Variants in MAPK10 observed in about 807,000 individuals in gnomAD.
MAPK10 encodes JNK3 alpha protein kinase.
Under a neutral mutation model 59.3 loss-of-function variants are expected in MAPK10, and 25 were observed. The ratio of observed to expected loss-of-function variants is 0.42; its 90% CI spans 0.31 to 0.59. The LOEUF is 0.59. Ranked by LOEUF, MAPK10 falls within the 20% of genes least tolerant of loss-of-function variation. The pLI is 0.15. For synonymous variants in MAPK10, 190 were observed against 200.5 expected, an observed-to-expected ratio of 0.95 and a Z score of 0.44; for missense variants, 351 against 568.9, an observed-to-expected ratio of 0.62 and a Z score of 3.90.
At chr4:86,160,643 C>A (rs908300378) in intron 3 of MAPK10, 4 of 151,910 alleles carry the variant, frequency 2.6e-5, no homozygotes, top group African/African-American at 7.2e-5. Context: ...GACATTCCCA[C>A]GCAATGAATA....
At chr4:86,044,002 T>A (rs1032060701) in intron 11 of MAPK10, among the ~76,000 whole-genome samples, 1 of 152,158 alleles carries the variant, frequency 6.6e-6, no homozygotes, top group African/African-American at 2.4e-5. Flanking sequence ...TTATAGTTCC[T>A]ACTAATTCAA....
At chr4:86,403,843 C>G (rs905979967) in intron 1 of MAPK10, among the ~76,000 whole-genome samples, 2 of 152,120 alleles carry the variant, frequency 1.3e-5, no homozygotes, top group Non-Finnish European at 2.9e-5. Flanking sequence ...TCCCTTGACA[C>G]GTAGGCATTA....
At position 86,055,019 on chromosome 4, in the gene MAPK10, G is replaced by A. The variant is rs140887850; in HGVS notation, c.1110+9247C>T. 1.3e-3 allele frequency among the ~76,000 whole-genome samples: 197 copies of A among 152,206 alleles called. 1 individual carries two copies. The highest frequency in any genetic ancestry group is 4.6e-3 in the African/African-American group (192 of 41,544). ...TTTAAATGATGGCAGTTTTAGAATG[G>A]AGAAAAGAGAATCATGATGTCTCAC... On this transcript the variant is annotated intron_variant, in intron 11 of 13. Coordinates refer to ENST00000641462, the MANE Select transcript of MAPK10 (RefSeq NM_138982.4).
At chr4:86,218,868 G>A (rs2088646234) in intron 2 of MAPK10, among the ~76,000 whole-genome samples, 1 of 152,114 alleles carries the variant, frequency 6.6e-6, no homozygotes, top group African/African-American at 2.4e-5. Flanking sequence ...AGGGCAAGAG[G>A]GAAATGATTT....
intron 4 of MAPK10, among the ~76,000 whole-genome samples, chr4:86,131,226 T>G (rs1310889439): frequency 2.0e-5 from 3 of 152,196 alleles, no homozygotes; most frequent in African/African-American, 4.8e-5. Flanking sequence ...ACTTTCATTT[T>G]GATAGATGAA....
At chr4:86,279,230 A>G (rs2094702382) in intron 2 of MAPK10, among the ~76,000 whole-genome samples, 1 of 152,174 alleles carries the variant, frequency 6.6e-6, no homozygotes, top group Non-Finnish European at 1.5e-5. Flanking sequence ...TTATCATTAT[A>G]CAAAACACAC....
At chr4:86,216,043 C>T (rs2087461166) in intron 2 of MAPK10, among the ~76,000 whole-genome samples, 1 of 151,928 alleles carries the variant, frequency 6.6e-6, no homozygotes, top group African/African-American at 2.4e-5. Flanking sequence ...TACAGCCACC[C>T]TGGAAAACAG....
At chr4:86,278,538 G>A (rs186831999) in intron 2 of MAPK10, among the ~76,000 whole-genome samples, 298 of 152,100 alleles carry the variant, frequency 2.0e-3, no homozygotes, top group African/African-American at 6.3e-3. Context: ...AGCAAAACCC[G>A]CTAGTAAAAA....
chr4:86,412,659 A>G (rs1384350421), intron 1 of MAPK10, among the ~76,000 whole-genome samples: 2 of 152,102 alleles, frequency 1.3e-5, no homozygotes, highest in Non-Finnish European at 2.9e-5. Flanking sequence ...TTGATCTTAA[A>G]TCACTGATAT....
intron 1 of MAPK10, among the ~76,000 whole-genome samples, chr4:86,516,034 G>T (rs1037127763): frequency 6.6e-6 from 1 of 151,872 alleles, no homozygotes. Flanking sequence ...TTAAGTTTTT[G>T]ATCCATCTTA....
intron 1 of MAPK10, among the ~76,000 whole-genome samples, chr4:86,502,828 A>G (rs916820677): frequency 6.6e-6 from 1 of 152,110 alleles, no homozygotes; most frequent in African/African-American, 2.4e-5. Context: ...TCATTCTAAA[A>G]GACATTTTTG....
At chr4:86,552,886 C>G (rs979668096) in intron 1 of MAPK10, among the ~76,000 whole-genome samples, 1 of 152,124 alleles carries the variant, frequency 6.6e-6, no homozygotes, top group Non-Finnish European at 1.5e-5. Context: ...ACCCACTGCA[C>G]GTGCAGCTTT....
intron 2 of MAPK10, among the ~76,000 whole-genome samples, chr4:86,221,290 G>GA (rs1156744653): frequency 1.3e-5 from 2 of 152,168 alleles, no homozygotes; most frequent in Non-Finnish European, 2.9e-5. Context: ...TCACTGGCTT[G>GA]ACAGGAGTAA....
In MAPK10 at chr4:86,259,617, C is replaced by A. The variant is rs983057759; in HGVS notation, c.-6-65210G>T. On this transcript the variant is annotated intron_variant, in intron 2 of 13. Coordinates refer to ENST00000641462, the MANE Select transcript of MAPK10 (RefSeq NM_138982.4). ...GGAAACTGAGGTATTTATGATAGATCAAAGAAAGCCTTGCTTTCATATCTT... is the reference window on the plus strand; with the variant it reads ...GGAAACTGAGGTATTTATGATAGATAAAAGAAAGCCTTGCTTTCATATCTT... 3.9e-5 allele frequency among the ~76,000 whole-genome samples: 6 copies of A among 152,138 alleles called. No individual in the cohort carries two copies. In the Middle Eastern group the frequency reaches 0.017, roughly 431 times the overall value.
chr4:86,088,862 CTTTA>C (rs990527772), intron 9 of MAPK10, among the ~76,000 whole-genome samples: 14 of 152,066 alleles, frequency 9.2e-5, no homozygotes, highest in Middle Eastern at 3.2e-3. Flanking sequence ...AACTGAAAGA[CTTTA>C]TTTATTATCT....
intron 1 of MAPK10, among the ~76,000 whole-genome samples, chr4:86,461,012 A>G (rs1751687525): frequency 6.6e-6 from 1 of 152,130 alleles, no homozygotes; most frequent in Non-Finnish European, 1.5e-5. Context: ...TAGGGTCTCC[A>G]TGACCGAGCT....
At chr4:86,144,088 TG>T (rs1334699937) in intron 4 of MAPK10, among the ~76,000 whole-genome samples, 1 of 152,214 alleles carries the variant, frequency 6.6e-6, no homozygotes, top group East Asian at 1.9e-4. Flanking sequence ...GTATCTTTTT[TG>T]GGGGGTGTGT....
chr4:86,047,361 C>T (rs2042690565), intron 11 of MAPK10, among the ~76,000 whole-genome samples: 1 of 152,004 alleles, frequency 6.6e-6, no homozygotes, highest in Non-Finnish European at 1.5e-5. Flanking sequence ...GAAGAATGTC[C>T]CAGGCAGAAG....
Position 86,288,862 on chromosome 4 carries a change from AAG to A in MAPK10, c.-7+65666_-7+65667del, listed in dbSNP as rs1440507732. Among the ~76,000 whole-genome samples, 7 of 152,200 alleles carry A rather than the reference AAG, an allele frequency of 4.6e-5. No individual in the cohort carries two copies. In the South Asian group the frequency reaches 6.2e-4, roughly 14 times the overall value. On this transcript the variant is annotated intron_variant, in intron 2 of 13. Transcript: ENST00000641462. ...ATCATTCATTCTACAAATAATTATC[AAG>A]AACTTGATATGTGCCAGGCACCATT...
Sources: allele counts gnomAD v4.1 joint callset (sites outside exome capture counted in the v4.1 genomes callset), GRCh38; gene constraint gnomAD v4.1.1; transcripts MANE v1.5; gene names NCBI Gene and HGNC (gene_info 2026-07-23, HGNC 2026-07-21).